Variants in SLAIN1 observed in about 807,000 individuals in gnomAD.
The protein encoded by SLAIN1 is SLAIN family member 1, also known as SLAIN motif-containing protein 1.
SLAIN1 carries 17 observed loss-of-function variants against 55.4 expected under a neutral mutation model. The observed-to-expected ratio is 0.31, with a 90% CI of 0.21 to 0.46. SLAIN1 has a LOEUF of 0.46. Among genes scored for constraint, SLAIN1 ranks in the 20% least tolerant of loss-of-function variants. SLAIN1 has a pLI of 1.00. For synonymous variants in SLAIN1, 348 were observed against 337.4 expected (o/e 1.03, Z -0.35); for missense variants, 682 against 785.1 (o/e 0.87, Z 1.57).
At chr13:77,713,024 C>A (rs2091168627) in intron 1 of SLAIN1, among the ~76,000 whole-genome samples, 1 of 151,932 alleles carries the variant, frequency 6.6e-6, no homozygotes, top group South Asian at 2.1e-4. Context: ...AAACTGAAAC[C>A]AGACCCCTTC....
chr13:77,760,694 A>C, intron 5 of SLAIN1, 134 bp from the exon 6 acceptor site: 1 of 898,526 alleles, frequency 1.1e-6, no homozygotes, highest in East Asian at 2.5e-5. Flanking sequence ...TGCTGTCTGG[A>C]ACCTATATTC....
At chr13:77,701,403 A>G (rs2091029209) in intron 1 of SLAIN1, among the ~76,000 whole-genome samples, 1 of 152,160 alleles carries the variant, frequency 6.6e-6, no homozygotes, top group Non-Finnish European at 1.5e-5. Flanking sequence ...TATGTGTGTA[A>G]GGAAAATCAT....
intron 5 of SLAIN1, 61 bp downstream of exon 5, chr13:77,753,419 T>A: frequency 1.1e-6 from 1 of 940,466 alleles, no homozygotes; most frequent in Non-Finnish European, 1.4e-6. Flanking sequence ...TTATAATTTT[T>A]AATTGTAAGG....
Position 77,698,459 on chromosome 13 carries a change from G to GC in SLAIN1, c.552dup (p.Thr185HisfsTer48). 6 of 1,440,672 alleles carry GC rather than the reference G, an allele frequency of 4.2e-6. No homozygotes were observed. The highest frequency in any genetic ancestry group is 2.8e-5 in the South Asian group (2 of 72,112). 89.2% of individuals were successfully genotyped at this position (1,440,672 alleles called of 1,614,324 possible). A position where few individuals can be genotyped will look rare whatever the true frequency, so the allele number is the denominator to read the frequency against. On this transcript the variant is annotated frameshift_variant, in exon 1 of 7. Coordinates refer to ENST00000418532, the MANE Select transcript of SLAIN1 (RefSeq NM_001242868.2). LOFTEE classifies it high-confidence loss of function. The surrounding 1 kb of genome is among the most constrained non-coding windows in gnomAD (Gnocchi z 4.1). ...GGGCAGCTGCAGCGCCGCCCTCGCC[G>GC]CCCCCCACGCTGCTGGACGAGGTGG...
Position 77,741,076 on chromosome 13 carries a change from C to G in SLAIN1, c.767-3207C>G, listed in dbSNP as rs567108598. 194 of 835,128 alleles carry G rather than the reference C, an allele frequency of 2.3e-4. No individual in the cohort carries two copies. In the African/African-American group the frequency reaches 3.2e-3, roughly 14 times the overall value. 51.7% of individuals were successfully genotyped at this position (835,128 alleles called of 1,614,324 possible). On this transcript the variant is annotated intron_variant, in intron 2 of 6. Coordinates refer to ENST00000418532, the MANE Select transcript of SLAIN1 (RefSeq NM_001242868.2). The stretch of plus-strand genomic sequence containing the variant: ...TCAATTGTGCAGGGAGGCTGGGTCA[C>G]AGTGGTTATTGTGCAGAGTGATGAA...
intron 4 of SLAIN1, among the ~76,000 whole-genome samples, chr13:77,747,275 G>A (rs1250080041): frequency 6.6e-6 from 1 of 151,978 alleles, no homozygotes; most frequent in African/African-American, 2.4e-5. Context: ...ATTGGTCAAT[G>A]TTTCTCAGAT....
At chr13:77,700,416 C>A (rs1252893214) in intron 1 of SLAIN1, among the ~76,000 whole-genome samples, 1 of 152,110 alleles carries the variant, frequency 6.6e-6, no homozygotes, top group East Asian at 1.9e-4. Flanking sequence ...AGACAAATGG[C>A]AGAGAATCTT....
intron 5 of SLAIN1, among the ~76,000 whole-genome samples, chr13:77,758,087 C>T (rs77439769): frequency 0.021 from 3,195 of 151,970 alleles, 101 homozygotes; most frequent in African/African-American, 0.072. Flanking sequence ...ACATCCACAC[C>T]GAATCTATTG....
chr13:77,698,619 C>A lies in SLAIN1; in HGVS notation c.626+80C>A. On this transcript the variant is annotated intron_variant, in intron 1 of 6. Coordinates refer to ENST00000418532, the MANE Select transcript of SLAIN1 (RefSeq NM_001242868.2). The surrounding 1 kb of genome is among the most constrained non-coding windows in gnomAD (Gnocchi z 4.1). ...CCGGGGAGCGGGGGCGGGGGGCGGA[C>A]GGGGGTCCCCTCGCGGCAGCCGGGG... 1 of 1,321,992 alleles carries A rather than the reference C, an allele frequency of 7.6e-7. No homozygotes were observed. The highest frequency in any genetic ancestry group is 2.2e-5 in the South Asian group (1 of 45,902). 81.9% of individuals were successfully genotyped at this position (1,321,992 alleles called of 1,614,324 possible).
intron 2 of SLAIN1, among the ~76,000 whole-genome samples, chr13:77,734,381 C>T: frequency 6.6e-6 from 1 of 152,060 alleles, no homozygotes; most frequent in East Asian, 1.9e-4. Context: ...GGCTTGCATG[C>T]CTGTTGTATA....
chr13:77,697,855 C>G lies in SLAIN1; in HGVS notation c.-59C>G. The G allele has an allele frequency of 1.3e-5, 17 of 1,262,646 alleles. No homozygotes were observed. Among genetic ancestry groups the G allele is most frequent in the South Asian group, 4.3e-5 (2 of 46,960 alleles). 78.2% of individuals were successfully genotyped at this position (1,262,646 alleles called of 1,614,324 possible). On this transcript the variant is annotated 5_prime_UTR_variant, in exon 1 of 7. Coordinates refer to ENST00000418532, the MANE Select transcript of SLAIN1 (RefSeq NM_001242868.2). ...AAGGAGCCGTAGCCTCCCCGTGGCCCGAGGAGCCGGCGCGGCGGCGCGCAC... is the reference window on the plus strand; with the variant it reads ...AAGGAGCCGTAGCCTCCCCGTGGCCGGAGGAGCCGGCGCGGCGGCGCGCAC...
intron 2 of SLAIN1, among the ~76,000 whole-genome samples, chr13:77,720,467 T>C (rs1041880487): frequency 6.6e-6 from 1 of 152,166 alleles, no homozygotes. Context: ...TTCACCAGTG[T>C]GATTCTCATG....
chr13:77,753,150 T>C, intron 4 of SLAIN1, 53 bp from the exon 5 acceptor site: 1 of 1,489,350 alleles, frequency 6.7e-7, no homozygotes, highest in Non-Finnish European at 9.0e-7. Context: ...TGAAAGCTAG[T>C]ACTTTGGTTG....
chr13:77,729,620 A>T (rs1354472067), intron 2 of SLAIN1, among the ~76,000 whole-genome samples: 2 of 151,992 alleles, frequency 1.3e-5, no homozygotes, highest in East Asian at 3.9e-4. Context: ...TGATCAGATG[A>T]TTACAATACA....
At chr13:77,705,838 G>T (rs776402058) in intron 1 of SLAIN1, among the ~76,000 whole-genome samples, 36 of 151,958 alleles carry the variant, frequency 2.4e-4, no homozygotes, top group Admixed American at 6.6e-4. Context: ...GAAACATTCA[G>T]GGTTATTGTG....
rs9530691 is a variant in SLAIN1, at chr13:77,743,510, T to G, written c.767-773T>G. The G allele has an allele frequency of 1.9e-3, 291 of 155,196 alleles. 3 individuals are homozygous for G. The highest frequency in any genetic ancestry group is 3.6e-3 in the Non-Finnish European group (251 of 70,134). The allele number at this position is 155,196 out of a possible 1,614,324, so 9.6% of individuals were successfully genotyped here. ...GTAAGTCTGTATTTTTTTTAATTTT[T>G]TTCTGGTAGCTTTTAAATTTAGCTA... On this transcript the variant is annotated intron_variant, in intron 2 of 6. Transcript: ENST00000418532.
At chr13:77,744,167 G>T in intron 2 of SLAIN1, 116 bp from the exon 3 acceptor site, 1 of 796,636 alleles carries the variant, frequency 1.3e-6, no homozygotes, top group Non-Finnish European at 2.2e-6. Flanking sequence ...ACATGTTGGT[G>T]ATTTTTGTAA....
intron 2 of SLAIN1, among the ~76,000 whole-genome samples, chr13:77,728,798 T>G (rs2091330890): frequency 6.6e-6 from 1 of 152,162 alleles, no homozygotes; most frequent in Non-Finnish European, 1.5e-5. Flanking sequence ...ACCTGTCCAG[T>G]CTCTCCTTGC....
chr13:77,718,347 G>C (rs74239793), intron 1 of SLAIN1, among the ~76,000 whole-genome samples: 5 of 152,168 alleles, frequency 3.3e-5, no homozygotes, highest in Middle Eastern at 3.4e-3. Flanking sequence ...ACGTTTATTC[G>C]CTTACATATT....
Sources: gnomAD v4.1 joint callset for allele counts (sites outside exome capture counted in the v4.1 genomes callset) on GRCh38, gnomAD v4.1.1 for gene constraint, Gnocchi (gnomAD v3.1) non-coding constraint, MANE v1.5 for transcripts, NCBI Gene and HGNC (gene_info 2026-07-23, HGNC 2026-07-21) for gene names.